SEMA6D: variants seen among roughly 807,000 people sequenced by gnomAD.
The protein encoded by SEMA6D is semaphorin 6D.
SEMA6D carries 35 observed loss-of-function variants against 106.6 expected under a neutral mutation model. The observed-to-expected ratio is 0.33, with a 90% CI of 0.25 to 0.44. The LOEUF (loss-of-function observed/expected upper bound fraction) is 0.44. SEMA6D is among the 20% of genes least tolerant of loss of function. The pLI is 1.00. For missense variants in SEMA6D, 1,185 were observed against 1,345.9 expected, an observed-to-expected ratio of 0.88 and a Z score of 1.87; for synonymous variants, 499 against 487.7, an observed-to-expected ratio of 1.02 and a Z score of -0.31.
intron 3 of SEMA6D, among the ~76,000 whole-genome samples, chr15:47,582,448 C>T (rs1158377190): frequency 6.6e-6 from 1 of 152,208 alleles, no homozygotes; most frequent in Non-Finnish European, 1.5e-5. Flanking sequence ...CTAAATGCCA[C>T]AGGGTAAATG....
At chr15:47,535,100 CAA>C (rs536789761) in intron 3 of SEMA6D, among the ~76,000 whole-genome samples, 2 of 147,436 alleles carry the variant, frequency 1.4e-5, no homozygotes, top group African/African-American at 5.0e-5. Flanking sequence ...AACACACACA[CAA>C]AAAAACACAA....
At chr15:47,736,146 T>C (rs1483419824) in intron 1 of SEMA6D, among the ~76,000 whole-genome samples, 2 of 152,218 alleles carry the variant, frequency 1.3e-5, no homozygotes, top group East Asian at 3.9e-4. Context: ...CTTGAGTCTG[T>C]TGGTCTGTTT....
intron 1 of SEMA6D, among the ~76,000 whole-genome samples, chr15:47,205,683 A>G (rs1302231232): frequency 9.2e-5 from 14 of 152,218 alleles, no homozygotes; most frequent in Non-Finnish European, 1.8e-4. Context: ...ATTTATATGC[A>G]TGGCATTATA....
At chr15:47,708,856 G>A (rs749296338) in intron 4 of SEMA6D, among the ~76,000 whole-genome samples, 4 of 152,140 alleles carry the variant, frequency 2.6e-5, no homozygotes, top group African/African-American at 4.8e-5. Context: ...TATGTAACTG[G>A]GTTATCTTTA....
chr15:47,238,628 A>G (rs2032708743), intron 1 of SEMA6D, among the ~76,000 whole-genome samples: 1 of 152,200 alleles, frequency 6.6e-6, no homozygotes, highest in East Asian at 1.9e-4. Flanking sequence ...TCAATACGTG[A>G]TTGTCAAAGT....
chr15:47,437,774 T>A (rs943584854), intron 2 of SEMA6D, among the ~76,000 whole-genome samples: 1 of 152,138 alleles, frequency 6.6e-6, no homozygotes, highest in Non-Finnish European at 1.5e-5. Context: ...AAATTTTCTT[T>A]TCCTAGAGGT....
At chr15:47,226,674 A>G (rs2141459580) in intron 1 of SEMA6D, among the ~76,000 whole-genome samples, 1 of 152,250 alleles carries the variant, frequency 6.6e-6, no homozygotes, top group Non-Finnish European at 1.5e-5. Context: ...AGATAGCAGG[A>G]GAGGATCAAA....
At position 47,759,763 on chromosome 15, in the gene SEMA6D, T is replaced by C. The variant is rs1597038471; in HGVS notation, c.-36T>C. 6.6e-7 allele frequency: 1 copy of C among 1,508,104 alleles called. No individual in the cohort carries two copies. Among genetic ancestry groups the C allele is most frequent in the East Asian group, 2.3e-5 (1 of 44,368 alleles). The allele number at this position is 1,508,104 out of a possible 1,614,324, so 93.4% of individuals were successfully genotyped here. On this transcript the variant is annotated 5_prime_UTR_variant, in exon 2 of 19. Coordinates refer to ENST00000536845, the MANE Select transcript of SEMA6D (RefSeq NM_001358351.3). ...TTTCCAGGTAGCTCAGTGGCATTTC[T>C]GAGCAGGGGCCACCCTGACTTCACC...
chr15:47,420,484 C>G (rs2041117376), intron 2 of SEMA6D, among the ~76,000 whole-genome samples: 4 of 151,986 alleles, frequency 2.6e-5, no homozygotes, highest in Admixed American at 2.0e-4. Flanking sequence ...ACTGCCTTCT[C>G]CCCCTCTGTG....
chr15:47,412,822 A>G lies in SEMA6D; in HGVS notation c.-159+350A>G, dbSNP rs145407846. ...ACAGAGTTTAAGATCAATGGGGAGA[A>G]AGAAAGGGAAAATGACTCTGTTTTC... On this transcript the variant is annotated intron_variant, in intron 2 of 19. Coordinates refer to the SEMA6D transcript ENST00000558014. Among the ~76,000 whole-genome samples the G allele has an allele frequency of 3.2e-4, 48 of 152,344 alleles. No homozygotes were observed. The East Asian group carries it at 8.9e-3, about 28-fold the overall frequency.
intron 1 of SEMA6D, among the ~76,000 whole-genome samples, chr15:47,357,191 G>T (rs559513187): frequency 6.6e-6 from 1 of 151,862 alleles, no homozygotes; most frequent in African/African-American, 2.4e-5. Flanking sequence ...AAAATTAGCC[G>T]GGCGAGGTGG....
intron 4 of SEMA6D, among the ~76,000 whole-genome samples, chr15:47,675,357 G>A (rs781298951): frequency 6.6e-6 from 1 of 152,186 alleles, no homozygotes; most frequent in East Asian, 1.9e-4. Context: ...CCCTCATTCA[G>A]TCAGACTGGA....
upstream of SEMA6D, among the ~76,000 whole-genome samples, chr15:47,716,733 C>T (rs1282382410): frequency 6.6e-6 from 1 of 151,976 alleles, no homozygotes; most frequent in Admixed American, 6.6e-5. Flanking sequence ...TTTCATTTCT[C>T]CCACAACATA....
In SEMA6D at chr15:47,405,584, AT is replaced by A. The variant is rs2040536925; in HGVS notation, c.-238-6808del. On this transcript the variant is annotated intron_variant, in intron 1 of 19. Transcript: ENST00000558014. ...GAATCAGTGCCTCAGGGTCTTTCCC[AT>A]AGCAACAAAATTAGTCCTTGACACC... Among the ~76,000 whole-genome samples the A allele has an allele frequency of 2.0e-5, 3 of 152,278 alleles. No individual in the cohort carries two copies. The South Asian group carries it at 6.2e-4, about 32-fold the overall frequency.
chr15:47,267,210 C>G (rs1013423768), intron 1 of SEMA6D, among the ~76,000 whole-genome samples: 1 of 152,052 alleles, frequency 6.6e-6, no homozygotes, highest in Admixed American at 6.6e-5. Context: ...AGATTAGACA[C>G]TTAAAATATT....
intron 4 of SEMA6D, among the ~76,000 whole-genome samples, chr15:47,623,272 T>C (rs2077142026): frequency 1.3e-5 from 2 of 152,178 alleles, no homozygotes; most frequent in South Asian, 4.1e-4. Flanking sequence ...TCTTCTGTTA[T>C]TTGTAGCTAA....
intron 1 of SEMA6D, among the ~76,000 whole-genome samples, chr15:47,224,535 C>T (rs888420021): frequency 6.6e-6 from 1 of 152,076 alleles, no homozygotes; most frequent in Admixed American, 6.6e-5. Context: ...GTGAAAATGA[C>T]GTTTTATCTC....
At chr15:47,273,883 G>C (rs972274877) in intron 1 of SEMA6D, among the ~76,000 whole-genome samples, 1 of 152,192 alleles carries the variant, frequency 6.6e-6, no homozygotes, top group Non-Finnish European at 1.5e-5. Context: ...ATAAGTGATA[G>C]GCATAGTGGG....
At chr15:47,399,128 A>G (rs1270874384) in intron 1 of SEMA6D, among the ~76,000 whole-genome samples, 1 of 152,194 alleles carries the variant, frequency 6.6e-6, no homozygotes, top group Non-Finnish European at 1.5e-5. Flanking sequence ...CCTCAGTTAA[A>G]AAAGAAAATC....
Sources: allele counts gnomAD v4.1 joint callset (sites outside exome capture counted in the v4.1 genomes callset), GRCh38; gene constraint gnomAD v4.1.1; transcripts MANE v1.5; gene names NCBI Gene and HGNC (gene_info 2026-07-23, HGNC 2026-07-21).